CACNA1D: variants seen among roughly 807,000 people sequenced by gnomAD.
CACNA1D encodes calcium voltage-gated channel subunit alpha1 D.
Under a neutral mutation model 257.1 loss-of-function variants are expected in CACNA1D, and 55 were observed. The observed-to-expected ratio is 0.21, with a 90% CI of 0.17 to 0.27. CACNA1D has a LOEUF of 0.27. CACNA1D is among the 10% of genes least tolerant of loss of function. The pLI is 1.00. For synonymous variants in CACNA1D, 980 were observed against 1,014.9 expected, an observed-to-expected ratio of 0.97 and a Z score of 0.65; for missense variants, 1,876 against 2,784.0, an observed-to-expected ratio of 0.67 and a Z score of 7.34.
At chr3:53,546,951 T>G (rs2092425821) in intron 3 of CACNA1D, among the ~76,000 whole-genome samples, 1 of 152,218 alleles carries the variant, frequency 6.6e-6, no homozygotes, top group African/African-American at 2.4e-5. Context: ...TTGTAGTAAA[T>G]TGTATTATTA....
intron 16 of CACNA1D, 31 bp downstream of exon 16, chr3:53,730,587 CA>C: frequency 6.6e-7 from 1 of 1,511,596 alleles, no homozygotes. Context: ...CGTGTTTGTC[CA>C]GGGGCTGTGT....
Position 53,774,716 on chromosome 3 carries a change from G to C in CACNA1D, c.4202+38G>C. ...GGCTTGGGCGGTGCTCCTGGGCAGG[G>C]GGGTCCGCTAGGCGTGGGTCCAGAG... On this transcript the variant is annotated intron_variant, in intron 34 of 47. Coordinates refer to ENST00000350061, the MANE Select transcript of CACNA1D (RefSeq NM_001128840.3). The surrounding 1 kb of genome is among the most constrained non-coding windows in gnomAD (Gnocchi z 4.3). 1 of 1,253,256 alleles carries C rather than the reference G, an allele frequency of 8.0e-7. No homozygotes were observed. The highest frequency in any genetic ancestry group is 1.2e-6 in the Non-Finnish European group (1 of 850,612). 77.6% of individuals were successfully genotyped at this position (1,253,256 alleles called of 1,614,324 possible).
intron 2 of CACNA1D, among the ~76,000 whole-genome samples, chr3:53,500,253 T>TAAAAAA (rs55823212): frequency 9.8e-5 from 4 of 40,942 alleles, no homozygotes; most frequent in East Asian, 9.5e-4. Flanking sequence ...CTGTCTCTAC[T>TAAAAAA]AAAAAAAAAA....
Position 53,520,900 on chromosome 3 carries a change from T to TTTCTTTCTTTC in CACNA1D, c.483+19182_483+19183insCTTTCTTTCTT, listed in dbSNP as rs879622099. 1.3e-3 allele frequency among the ~76,000 whole-genome samples: 133 copies of TTTCTTTCTTTC among 98,626 alleles called. 2 individuals are homozygous for TTTCTTTCTTTC. The highest frequency in any genetic ancestry group is 2.5e-3 in the East Asian group (7 of 2,826). The allele number at this position is 98,626 out of a possible 152,430, so 64.7% of individuals were successfully genotyped here. ...TTTCTTTCTTTCTTTCTTTCTTTTCTTTTCTTTTCTTTTCTTTTTCTTTCT... is the reference window on the plus strand; with the variant it reads ...TTTCTTTCTTTCTTTCTTTCTTTTCTTTCTTTCTTTCTTTCTTTTCTTTTCTTTTTCTTTCT... On this transcript the variant is annotated intron_variant, in intron 3 of 47. Coordinates refer to ENST00000350061, the MANE Select transcript of CACNA1D (RefSeq NM_001128840.3).
At chr3:53,546,336 G>T (rs867793410) in intron 3 of CACNA1D, among the ~76,000 whole-genome samples, 3 of 150,806 alleles carry the variant, frequency 2.0e-5, no homozygotes, top group Admixed American at 1.3e-4. Context: ...CAACAGAGCT[G>T]CACTAGGGCC....
intron 29 of CACNA1D, among the ~76,000 whole-genome samples, chr3:53,759,991 A>G (rs2095291174): frequency 6.6e-6 from 1 of 152,222 alleles, no homozygotes; most frequent in Non-Finnish European, 1.5e-5. Flanking sequence ...TTAGACTTTT[A>G]TACATAGATC....
chr3:53,677,741 T>G (rs2094390686), intron 8 of CACNA1D, among the ~76,000 whole-genome samples: 1 of 152,254 alleles, frequency 6.6e-6, no homozygotes, highest in Admixed American at 6.5e-5. Context: ...GACAATGTTT[T>G]TTTGCACAAA....
In CACNA1D at chr3:53,803,796, G is replaced by T. The variant is rs9849534; in HGVS notation, c.5585+224G>T. Among the ~76,000 whole-genome samples, 2,500 of 152,370 alleles carry T rather than the reference G, an allele frequency of 0.016. 82 individuals carry two copies. The highest frequency in any genetic ancestry group is 0.057 in the African/African-American group (2,381 of 41,578). On this transcript the variant is annotated intron_variant, in intron 44 of 47. Coordinates refer to ENST00000350061, the MANE Select transcript of CACNA1D (RefSeq NM_001128840.3). ...ACCTGTTGCCTTATTTCCACTAGGG[G>T]CCTCTGAGGCCTTTTAGTGAAGGCT...
chr3:53,677,380 A>G (rs924176357), intron 8 of CACNA1D, among the ~76,000 whole-genome samples: 2 of 152,226 alleles, frequency 1.3e-5, no homozygotes, highest in African/African-American at 4.8e-5. Context: ...GTCCTTCAGG[A>G]TATCAGCGAC....
intron 3 of CACNA1D, among the ~76,000 whole-genome samples, chr3:53,518,133 G>GGGTGCT (rs1201961740): frequency 3.3e-5 from 5 of 152,202 alleles, no homozygotes; most frequent in African/African-American, 4.8e-5. Flanking sequence ...TTTGCACGTC[G>GGGTGCT]GGTGCTGAAG....
chr3:53,625,824 A>G (rs2093751882), intron 3 of CACNA1D, among the ~76,000 whole-genome samples: 1 of 152,116 alleles, frequency 6.6e-6, no homozygotes, highest in South Asian at 2.1e-4. Context: ...CTGTTAATGT[A>G]TGGTTGGGTG....
chr3:53,635,203 C>T (rs1259519080), intron 3 of CACNA1D, among the ~76,000 whole-genome samples: 2 of 152,192 alleles, frequency 1.3e-5, no homozygotes, highest in Non-Finnish European at 1.5e-5. Context: ...TGACTGCAAA[C>T]AGCCGCCATG....
At chr3:53,675,619 C>T (rs879013766) in intron 8 of CACNA1D, among the ~76,000 whole-genome samples, 9 of 151,708 alleles carry the variant, frequency 5.9e-5, no homozygotes, top group Non-Finnish European at 1.3e-4. Context: ...AAAAGATGGG[C>T]GGGGGGGCTT....
intron 3 of CACNA1D, among the ~76,000 whole-genome samples, chr3:53,620,760 A>G (rs887972016): frequency 1.5e-4 from 23 of 152,284 alleles, no homozygotes; most frequent in African/African-American, 5.5e-4. Context: ...TATTTATTAC[A>G]TAAGCAGATA....
chr3:53,517,127 C>A (rs79420186), intron 3 of CACNA1D, among the ~76,000 whole-genome samples: 1 of 152,168 alleles, frequency 6.6e-6, no homozygotes, highest in African/African-American at 2.4e-5. Flanking sequence ...TACACATGGG[C>A]GGCATCATCC....
intron 47 of CACNA1D, among the ~76,000 whole-genome samples, chr3:53,810,758 C>CAAAAAAAAAAAAAAAAAAAAAAAAA (rs71074934): frequency 2.6e-4 from 18 of 68,292 alleles, no homozygotes; most frequent in Admixed American, 3.4e-4. Flanking sequence ...ACTCTTGTCT[C>CAAAAAAAAAAAAAAAAAAAAAAAAA]AAAAAAAAAA....
At chr3:53,593,205 T>C (rs1221276426) in intron 3 of CACNA1D, among the ~76,000 whole-genome samples, 1 of 152,150 alleles carries the variant, frequency 6.6e-6, no homozygotes, top group Non-Finnish European at 1.5e-5. Flanking sequence ...TTCCTACCTA[T>C]AGGTAGATAA....
chr3:53,573,618 T>C (rs1027328078), intron 3 of CACNA1D, among the ~76,000 whole-genome samples: 3 of 152,222 alleles, frequency 2.0e-5, no homozygotes, highest in African/African-American at 7.2e-5. Flanking sequence ...ACATTTTACT[T>C]ATGCCATTTA....
intron 29 of CACNA1D, among the ~76,000 whole-genome samples, chr3:53,755,827 T>C (rs551708409): frequency 1.3e-5 from 2 of 152,230 alleles, no homozygotes; most frequent in East Asian, 3.9e-4. Flanking sequence ...CTCTTCTCTT[T>C]GGTGTTCACA....
Sources: gnomAD v4.1 joint callset for allele counts (sites outside exome capture counted in the v4.1 genomes callset) on GRCh38, gnomAD v4.1.1 for gene constraint, Gnocchi (gnomAD v3.1) non-coding constraint, MANE v1.5 for transcripts, NCBI Gene and HGNC (gene_info 2026-07-23, HGNC 2026-07-21) for gene names.